TGFBI: variants seen among roughly 807,000 people sequenced by gnomAD.
TGFBI encodes the protein transforming growth factor-beta-induced protein ig-h3.
A neutral mutation model predicts 73.7 loss-of-function variants in TGFBI; 50 were observed. The ratio of observed to expected loss-of-function variants is 0.68; its 90% CI spans 0.54 to 0.86. The LOEUF is 0.86. TGFBI is among the 40% of genes least tolerant of loss of function. The probability of loss-of-function intolerance (pLI) is 0.00; values close to 1 mark genes in which losing one functional copy is unlikely to be tolerated. For synonymous variants in TGFBI, 362 were observed against 360.5 expected, an observed-to-expected ratio of 1.00 and a Z score of -0.05; for missense variants, 839 against 877.0, an observed-to-expected ratio of 0.96 and a Z score of 0.55.
rs758642455 is a variant in TGFBI, at chr5:136,053,014, G to A, written c.1021G>A (p.Gly341Arg). Reference sequence around the variant, plus strand: ...CACGACACTGGAGGTGGGCTGCAGCGGGGACATGCTCACTATCAACGGGAA... The same window carrying A: ...CACGACACTGGAGGTGGGCTGCAGCAGGGACATGCTCACTATCAACGGGAA... ...EGTTLEVGCSGDMLTINGKAI... is the reference protein window; with the variant it reads ...EGTTLEVGCSRDMLTINGKAI... The change falls in exon 8 of 17, where the codon GGG becomes AGG. Residue 341 changes from glycine (G) to arginine (R), a missense_variant. Gly to Arg is a moderately radical substitution (Grantham distance 125). Coordinates refer to ENST00000442011, the MANE Select transcript of TGFBI (RefSeq NM_000358.3). 11 of 1,614,016 alleles carry A rather than the reference G, an allele frequency of 6.8e-6. No individual in the cohort carries two copies. The highest frequency in any genetic ancestry group is 2.7e-5 in the African/African-American group (2 of 75,060).
In TGFBI at chr5:136,047,373, A is replaced by T; in HGVS notation, c.724A>T (p.Asn242Tyr). ...IDKVISTITNNIQQIIEIEDT... is the reference protein window; with the variant it reads ...IDKVISTITNYIQQIIEIEDT... ...TAAGGTCATCTCCACCATCACCAAC[A>T]ACATCCAGCAGATCATTGAGATCGA... The change falls in exon 6 of 17, where the codon AAC becomes TAC. Residue 242 changes from asparagine (N) to tyrosine (Y), a missense_variant. Physicochemically the swap from Asn to Tyr is moderately radical, Grantham distance 143. Coordinates refer to ENST00000442011, the MANE Select transcript of TGFBI (RefSeq NM_000358.3). 4 of 1,613,850 alleles carry T rather than the reference A, an allele frequency of 2.5e-6. No homozygotes were observed. The highest frequency in any genetic ancestry group is 3.4e-6 in the Non-Finnish European group (4 of 1,179,858).
chr5:136,031,777 G>A (rs896823851), intron 1 of TGFBI, among the ~76,000 whole-genome samples: 1 of 152,172 alleles, frequency 6.6e-6, no homozygotes, highest in Non-Finnish European at 1.5e-5. Context: ...AGGCCCAGAA[G>A]CAACTTGCTC....
At chr5:136,051,366 G>A (rs531064086) in intron 7 of TGFBI, among the ~76,000 whole-genome samples, 1 of 152,060 alleles carries the variant, frequency 6.6e-6, no homozygotes, top group African/African-American at 2.4e-5. Flanking sequence ...GGAGGCAGAA[G>A]TTGCAATAAG....
intron 3 of TGFBI, 42 bp from the exon 4 acceptor site, chr5:136,046,293 A>T: frequency 6.2e-7 from 1 of 1,610,482 alleles, no homozygotes; most frequent in Non-Finnish European, 8.5e-7. Context: ...GTTGGGCTGG[A>T]CCCCCAGAGG....
At position 136,063,255 on chromosome 5, in the gene TGFBI, CG is replaced by C. The variant is rs750260007; in HGVS notation, c.*31del. ...GAAGCACTACAGGAGGAATGCACCACGGCAGCTCTCCGCCAATTTCTCTCAG... is the reference window on the plus strand; with the variant it reads ...GAAGCACTACAGGAGGAATGCACCACGCAGCTCTCCGCCAATTTCTCTCAG... On this transcript the variant is annotated 3_prime_UTR_variant, in exon 17 of 17. Coordinates refer to ENST00000442011, the MANE Select transcript of TGFBI (RefSeq NM_000358.3). 1.9e-6 allele frequency: 3 copies of C among 1,601,044 alleles called. No homozygotes were observed. In the Admixed American group the frequency reaches 5.0e-5, roughly 27 times the overall value.
intron 7 of TGFBI, 24 bp from the exon 8 acceptor site, chr5:136,052,883 G>C (rs1165332239): frequency 6.2e-7 from 1 of 1,609,978 alleles, no homozygotes; most frequent in Admixed American, 1.7e-5. Context: ...ACCCTGACTT[G>C]ACCTGAGTCT....
At chr5:136,038,242 G>C (rs1418420417) in intron 2 of TGFBI, among the ~76,000 whole-genome samples, 1 of 152,198 alleles carries the variant, frequency 6.6e-6, no homozygotes, top group African/African-American at 2.4e-5. Context: ...CCTGGGGTAA[G>C]ACCCTGTGGT....
At chr5:136,040,274 C>G (rs753385295) in intron 2 of TGFBI, among the ~76,000 whole-genome samples, 11 of 152,186 alleles carry the variant, frequency 7.2e-5, no homozygotes, top group Non-Finnish European at 1.6e-4. Context: ...AAACTTTCTT[C>G]TAAATTAGGT....
Position 136,054,082 on chromosome 5 carries a change from T to C in TGFBI, c.1264+2T>C. On this transcript the variant is annotated splice_donor_variant, in intron 9 of 16. Coordinates refer to ENST00000442011, the MANE Select transcript of TGFBI (RefSeq NM_000358.3). LOFTEE classifies it high-confidence loss of function. The stretch of plus-strand genomic sequence containing the variant: ...CTCCCCTGAATTCTGTATTCAAAGG[T>C]AACATGGGGAAGGCATCCCTGTTAG... 1 of 1,611,770 alleles carries C rather than the reference T, an allele frequency of 6.2e-7. No homozygotes were observed. The highest frequency in any genetic ancestry group is 1.1e-5 in the South Asian group (1 of 91,018).
chr5:136,054,128 C>T (rs1423873413), intron 9 of TGFBI, 48 bp downstream of exon 9: 2 of 1,594,930 alleles, frequency 1.3e-6, no homozygotes, highest in South Asian at 1.1e-5. Context: ...GAGGCAGCTT[C>T]CCCACCCCTG....
intron 16 of TGFBI, 78 bp downstream of exon 16, chr5:136,062,765 C>G (rs998540243): frequency 5.7e-5 from 82 of 1,432,548 alleles, no homozygotes; most frequent in Non-Finnish European, 7.7e-5. Flanking sequence ...CTGCCATCTG[C>G]TGTATATAGA....
chr5:136,063,466 T>C lies in TGFBI; in HGVS notation c.*240T>C. ...CTGCATGCAGAAACTTGGATGTCAC[T>C]GCCTGACATTCACTTCCAGAGAGGA... is the stretch of plus-strand genomic sequence containing the variant. On this transcript the variant is annotated 3_prime_UTR_variant, in exon 17 of 17. Coordinates refer to ENST00000442011, the MANE Select transcript of TGFBI (RefSeq NM_000358.3). 1 of 506,486 alleles carries C rather than the reference T, an allele frequency of 2.0e-6. No individual in the cohort carries two copies. Among genetic ancestry groups the C allele is most frequent in the South Asian group, 2.5e-5 (1 of 39,546 alleles). The allele number at this position is 506,486 out of a possible 1,614,324, so 31.4% of individuals were successfully genotyped here.
intron 1 of TGFBI, among the ~76,000 whole-genome samples, chr5:136,032,650 T>C (rs369738985): frequency 2.0e-5 from 3 of 152,278 alleles, no homozygotes; most frequent in South Asian, 2.1e-4. Flanking sequence ...AAGCCCTCAG[T>C]ATTGTTTGTT....
chr5:136,047,324 C>A lies in TGFBI; in HGVS notation c.675C>A (p.Thr225=), dbSNP rs886059925. Residue 225 remains threonine, a synonymous_variant, in exon 6 of 17, where the codon ACC becomes ACA. Transcript: ENST00000442011. ...ARLLKADHHA[T]NGVVHLIDKV... is the part of the protein sequence containing the mutation. ...TGCTGAAAGCCGACCACCATGCAAC[C>A]AACGGGGTGGTGCACCTCATCGATA... is the stretch of plus-strand genomic sequence containing the variant. 3.1e-6 allele frequency: 5 copies of A among 1,613,770 alleles called. No individual in the cohort carries two copies. Among genetic ancestry groups the A allele is most frequent in the Non-Finnish European group, 4.2e-6 (5 of 1,179,866 alleles).
intron 7 of TGFBI, among the ~76,000 whole-genome samples, chr5:136,050,336 A>G (rs1222513700): frequency 6.8e-4 from 8 of 11,752 alleles, no homozygotes; most frequent in Admixed American, 6.1e-3. Flanking sequence ...CGTCTCAAGA[A>G]AAAAAAAAAA....
chr5:136,062,702 G>T lies in TGFBI; in HGVS notation c.2011+15G>T. The stretch of plus-strand genomic sequence containing the variant: ...TGTGCGACTAGGTGAGTCTGGTCTG[G>T]GTTTGAAGTCATTGCAGACCTGTTT... On this transcript the variant is annotated intron_variant, in intron 16 of 16. Coordinates refer to ENST00000442011, the MANE Select transcript of TGFBI (RefSeq NM_000358.3). 6.4e-7 allele frequency: 1 copy of T among 1,565,616 alleles called. No individual in the cohort carries two copies. Among genetic ancestry groups the T allele is most frequent in the Non-Finnish European group, 8.7e-7 (1 of 1,153,606 alleles).
In TGFBI at chr5:136,029,180, G is replaced by A; in HGVS notation, c.125G>A (p.Arg42His). The change falls in exon 1 of 17, where the codon CGC (arginine) becomes CAC (histidine). Residue 42 changes from arginine (R) to histidine (H), a missense_variant. Coordinates refer to ENST00000442011, the MANE Select transcript of TGFBI (RefSeq NM_000358.3). Reference sequence around the variant, plus strand: ...CTGCAGCACAGCAGGCTCCGGGGCCGCCAGCACGGGTAAGCCGAGCCGCCT... The same window carrying A: ...CTGCAGCACAGCAGGCTCCGGGGCCACCAGCACGGGTAAGCCGAGCCGCCT... ...LVLQHSRLRGRQHGPNVCAVQ... is the reference protein window; with the variant it reads ...LVLQHSRLRGHQHGPNVCAVQ... 3 of 1,505,624 alleles carry A rather than the reference G, an allele frequency of 2.0e-6. No individual in the cohort carries two copies. Among genetic ancestry groups the A allele is most frequent in the African/African-American group, 1.4e-5 (1 of 69,944 alleles). The allele number at this position is 1,505,624 out of a possible 1,614,324, so 93.3% of individuals were successfully genotyped here.
intron 4 of TGFBI, 73 bp downstream of exon 4, chr5:136,046,568 G>A: frequency 6.8e-7 from 1 of 1,478,118 alleles, no homozygotes; most frequent in Non-Finnish European, 9.1e-7. Flanking sequence ...TGGGCATGAT[G>A]AATGGGAGTC....
At chr5:136,029,241 C>T (rs1028481233) in intron 1 of TGFBI, 52 bp downstream of exon 1, 7 of 1,417,988 alleles carry the variant, frequency 4.9e-6, no homozygotes, top group Non-Finnish European at 6.4e-6. Flanking sequence ...AGTCGGGGCT[C>T]GGAGCGCAAG....
Sources: gnomAD v4.1 joint callset for allele counts (sites outside exome capture counted in the v4.1 genomes callset) on GRCh38, gnomAD v4.1.1 for gene constraint, MANE v1.5 for transcripts, NCBI Gene and HGNC (gene_info 2026-07-23, HGNC 2026-07-21) for gene names.